The following RBFOX1 variants were observed in gnomAD, a reference collection of about 807,000 sequenced individuals.
RBFOX1 encodes RNA binding protein fox-1 homolog 1.
Under a neutral mutation model 57.7 loss-of-function variants are expected in RBFOX1, and 8 were observed. The ratio of observed to expected loss-of-function variants is 0.14; its 90% CI spans 0.08 to 0.25. The LOEUF (loss-of-function observed/expected upper bound fraction) is 0.25. RBFOX1 is among the 10% of genes least tolerant of loss of function. RBFOX1 has a pLI of 1.00. For synonymous variants in RBFOX1, 326 were observed against 222.4 expected, an observed-to-expected ratio of 1.47 and a Z score of -4.15; for missense variants, 611 against 548.5, an observed-to-expected ratio of 1.11 and a Z score of -1.14.
rs1321816796 is a variant in RBFOX1, at chr16:6,841,269, T to C, written c.-16+186619T>C. Among the ~76,000 whole-genome samples, 3 of 152,196 alleles carry C rather than the reference T, an allele frequency of 2.0e-5. No homozygotes were observed. In the East Asian group the frequency reaches 5.8e-4, roughly 29 times the overall value. On this transcript the variant is annotated intron_variant, in intron 3 of 15. Coordinates refer to ENST00000550418, the MANE Select transcript of RBFOX1 (RefSeq NM_018723.4). ...CATTATACTCAGGTTCTTTTGAGAA[T>C]TCCTTGCGAGGTTTGATAAGGACAT...
intron 3 of RBFOX1, among the ~76,000 whole-genome samples, chr16:6,754,309 C>T (rs1484198874): frequency 6.6e-6 from 1 of 152,168 alleles, no homozygotes; most frequent in Non-Finnish European, 1.5e-5. Flanking sequence ...ATCCTCAATC[C>T]AAATTGCATA....
chr16:6,612,272 A>T (rs969783826), intron 2 of RBFOX1, among the ~76,000 whole-genome samples: 1 of 152,194 alleles, frequency 6.6e-6, no homozygotes, highest in African/African-American at 2.4e-5. Flanking sequence ...ATTTTGCATG[A>T]TCACAACACA....
intron 3 of RBFOX1, among the ~76,000 whole-genome samples, chr16:6,702,435 T>TC (rs1270349211): frequency 7.2e-5 from 11 of 152,002 alleles, no homozygotes; most frequent in Non-Finnish European, 1.6e-4. Context: ...ATGCCTGTAA[T>TC]CCCAGCTACT....
chr16:7,247,103 C>A (rs2094332880), intron 4 of RBFOX1, among the ~76,000 whole-genome samples: 1 of 152,142 alleles, frequency 6.6e-6, no homozygotes, highest in Non-Finnish European at 1.5e-5. Flanking sequence ...CATGTGTCTG[C>A]AGGTCAGCTG....
intron 3 of RBFOX1, among the ~76,000 whole-genome samples, chr16:6,916,385 G>C (rs908010003): frequency 6.6e-6 from 1 of 152,138 alleles, no homozygotes; most frequent in African/African-American, 2.4e-5. Flanking sequence ...ATGGGGTTTG[G>C]ATGTAGGTTT....
chr16:6,216,481 G>A (rs768956588), intron 1 of RBFOX1, among the ~76,000 whole-genome samples: 3 of 152,066 alleles, frequency 2.0e-5, no homozygotes, highest in African/African-American at 4.8e-5. Flanking sequence ...CTGCTGTATC[G>A]CTGAAGAGAG....
At chr16:7,071,409 A>T (rs978839183) in intron 4 of RBFOX1, among the ~76,000 whole-genome samples, 1 of 152,158 alleles carries the variant, frequency 6.6e-6, no homozygotes, top group Non-Finnish European at 1.5e-5. Flanking sequence ...TACCCCTCCT[A>T]GCCTCCTAGC....
intron 3 of RBFOX1, among the ~76,000 whole-genome samples, chr16:5,701,091 C>T (rs1349147362): frequency 6.8e-6 from 1 of 147,888 alleles, no homozygotes; most frequent in Non-Finnish European, 1.5e-5. Context: ...TTCTTCTTGC[C>T]CTGATGATAC....
At chr16:7,694,602 C>T (rs2078209549) in intron 14 of RBFOX1, among the ~76,000 whole-genome samples, 1 of 152,204 alleles carries the variant, frequency 6.6e-6, no homozygotes, top group Non-Finnish European at 1.5e-5. Context: ...CCTGCAATTT[C>T]CCTCTTAACC....
At chr16:7,693,478 A>AT in intron 14 of RBFOX1, 5 of 804,712 alleles carry the variant, frequency 6.2e-6, no homozygotes, top group Non-Finnish European at 7.8e-6. Context: ...AGTTTAGTTA[A>AT]GAAAAAAAAA....
At chr16:6,650,164 G>A (rs997332021) in intron 2 of RBFOX1, among the ~76,000 whole-genome samples, 1 of 152,192 alleles carries the variant, frequency 6.6e-6, no homozygotes, top group Non-Finnish European at 1.5e-5. Flanking sequence ...TGTAATAACT[G>A]TAAGAATATG....
At chr16:6,947,880 G>C (rs552700944) in intron 3 of RBFOX1, among the ~76,000 whole-genome samples, 6 of 152,090 alleles carry the variant, frequency 3.9e-5, no homozygotes, top group Non-Finnish European at 5.9e-5. Context: ...GGGTTCAAGC[G>C]TTTCTCCTGC....
At chr16:7,368,076 G>A (rs2097494339) in intron 4 of RBFOX1, among the ~76,000 whole-genome samples, 1 of 152,002 alleles carries the variant, frequency 6.6e-6, no homozygotes, top group South Asian at 2.1e-4. Context: ...AGACCAGCCT[G>A]GCCAACGTAA....
At chr16:6,580,077 G>A (rs1303334742) in intron 2 of RBFOX1, among the ~76,000 whole-genome samples, 4 of 151,970 alleles carry the variant, frequency 2.6e-5, no homozygotes, top group Admixed American at 6.6e-5. Context: ...TTCTGCCTCA[G>A]CCTCCCAGGT....
intron 4 of RBFOX1, among the ~76,000 whole-genome samples, chr16:7,172,920 A>G (rs2080983746): frequency 6.6e-6 from 1 of 152,206 alleles, no homozygotes; most frequent in Admixed American, 6.5e-5. Context: ...AGACTTGAAT[A>G]TCCTAGAGCA....
chr16:5,763,383 G>A (rs1209202854), intron 3 of RBFOX1, among the ~76,000 whole-genome samples: 1 of 152,196 alleles, frequency 6.6e-6, no homozygotes, highest in African/African-American at 2.4e-5. Context: ...CAGCTACAGC[G>A]ATGCAAACGT....
rs140741082 is a variant in RBFOX1, at chr16:7,124,329, C to T, written c.27+72231C>T. On this transcript the variant is annotated intron_variant, in intron 4 of 15. Transcript: ENST00000550418. ...CTCAGGAGACTGAGGTGGGAGGATC[C>T]CTTGAGTTCAGGAGGTTGAGGCTGC... 7.6e-3 allele frequency among the ~76,000 whole-genome samples: 1,155 copies of T among 152,052 alleles called. 15 individuals are homozygous for T. The highest frequency in any genetic ancestry group is 0.026 in the African/African-American group (1,096 of 41,464).
rs113093594 is a variant in RBFOX1, at chr16:7,345,671, C to T, written c.28-172476C>T. Among the ~76,000 whole-genome samples the T allele has an allele frequency of 5.9e-5, 9 of 152,132 alleles. No homozygotes were observed. In the South Asian group the frequency reaches 1.2e-3, roughly 21 times the overall value. On this transcript the variant is annotated intron_variant, in intron 4 of 15. Coordinates refer to ENST00000550418, the MANE Select transcript of RBFOX1 (RefSeq NM_018723.4). ...AGGGACCAGAGCTCCCACTTGCTGC[C>T]GGTGATGGAGCCGTCTGGGGATGGA...
chr16:6,593,336 G>T (rs1435637671), intron 2 of RBFOX1, among the ~76,000 whole-genome samples: 2 of 152,116 alleles, frequency 1.3e-5, no homozygotes, highest in African/African-American at 4.8e-5. Flanking sequence ...ATCAGTTCAG[G>T]CACTAAAAGA....
Sources: allele counts gnomAD v4.1 joint callset (sites outside exome capture counted in the v4.1 genomes callset), GRCh38; gene constraint gnomAD v4.1.1; transcripts MANE v1.5; gene names NCBI Gene and HGNC (gene_info 2026-07-23, HGNC 2026-07-21).